TRAK1: variants seen among roughly 807,000 people sequenced by gnomAD.
TRAK1 encodes the protein trafficking kinesin protein 1.
A neutral mutation model predicts 92.1 loss-of-function variants in TRAK1; 33 were observed. The ratio of observed to expected loss-of-function variants is 0.36; its 90% CI spans 0.27 to 0.48. The LOEUF is 0.48. Among genes scored for constraint, TRAK1 ranks in the 20% least tolerant of loss-of-function variants. TRAK1 has a pLI of 0.99. For synonymous variants in TRAK1, 521 were observed against 517.3 expected, an observed-to-expected ratio of 1.01 and a Z score of -0.10; for missense variants, 1,123 against 1,257.9, an observed-to-expected ratio of 0.89 and a Z score of 1.62.
At chr3:42,086,439 G>A (rs1704681806), upstream of TRAK1, among the ~76,000 whole-genome samples, 1 of 151,488 alleles carries the variant, frequency 6.6e-6, no homozygotes, top group African/African-American at 2.4e-5. Context: ...CTGAGTAACT[G>A]GGATTACAGG....
chr3:42,223,817 GT>G lies in TRAK1; in HGVS notation c.*81del. The G allele has an allele frequency of 6.8e-7, 1 of 1,464,056 alleles. No individual in the cohort carries two copies. Among genetic ancestry groups the G allele is most frequent in the Non-Finnish European group, 9.3e-7 (1 of 1,073,056 alleles). The allele number at this position is 1,464,056 out of a possible 1,614,324, so 90.7% of individuals were successfully genotyped here. A position where few individuals can be genotyped will look rare whatever the true frequency, so the allele number is the denominator to read the frequency against. Reference sequence around the variant, plus strand: ...CCCACCTCCCTCTCTTCCCCCCACAGTGCACTCCCTCCCTCTGCCCTTCTCT... The same window carrying G: ...CCCACCTCCCTCTCTTCCCCCCACAGGCACTCCCTCCCTCTGCCCTTCTCT... On this transcript the variant is annotated 3_prime_UTR_variant, in exon 16 of 16. Coordinates refer to ENST00000327628, the MANE Select transcript of TRAK1 (RefSeq NM_001042646.3). This position sits in a 1 kb window ranked among gnomAD's most constrained non-coding sequence, Gnocchi z 6.1.
At chr3:42,147,567 T>C (rs1699470917) in intron 2 of TRAK1, among the ~76,000 whole-genome samples, 2 of 152,236 alleles carry the variant, frequency 1.3e-5, no homozygotes, top group South Asian at 4.1e-4. Context: ...CTTTGTCTGC[T>C]TGTGGTTTGG....
chr3:42,094,207 A>G (rs1195060768), intron 1 of TRAK1, among the ~76,000 whole-genome samples: 1 of 152,178 alleles, frequency 6.6e-6, no homozygotes, highest in Non-Finnish European at 1.5e-5. Flanking sequence ...TTCAGGGTGC[A>G]CCAATGCCAG....
upstream of TRAK1, among the ~76,000 whole-genome samples, chr3:42,083,291 C>A (rs1704520404): frequency 2.0e-5 from 3 of 151,934 alleles, no homozygotes; most frequent in African/African-American, 7.3e-5. Context: ...GCCCATTTTT[C>A]TTTTGGGCTA....
upstream of TRAK1, among the ~76,000 whole-genome samples, chr3:42,089,674 G>GTCC (rs765250539): frequency 1.2e-5 from 1 of 85,942 alleles, no homozygotes; most frequent in Admixed American, 1.3e-4. Flanking sequence ...TGCTTTTTGT[G>GTCC]ACCCCCCCCC....
chr3:42,076,159 A>G (rs910439958), intron 1 of TRAK1, among the ~76,000 whole-genome samples: 4 of 146,834 alleles, frequency 2.7e-5, no homozygotes, highest in Non-Finnish European at 4.5e-5. Context: ...CGCATTTTTA[A>G]ACGTTTTTGT....
At chr3:42,160,349 G>T (rs762456893) in intron 2 of TRAK1, 5 of 1,613,790 alleles carry the variant, frequency 3.1e-6, no homozygotes, top group Admixed American at 1.7e-5. Context: ...TTGGCTTTGG[G>T]GTGACTTCAG....
rs535940981 is a variant in TRAK1, at chr3:42,160,229, T to C, written c.287-16585T>C. 5 of 1,486,876 alleles carry C rather than the reference T, an allele frequency of 3.4e-6. No homozygotes were observed. The East Asian group carries it at 1.2e-4, about 35-fold the overall frequency. The allele number at this position is 1,486,876 out of a possible 1,614,324, so 92.1% of individuals were successfully genotyped here. A position where few individuals can be genotyped will look rare whatever the true frequency, so the allele number is the denominator to read the frequency against. The stretch of plus-strand genomic sequence containing the variant: ...TCCACTTCAGCTGAGCCAGGGCATG[T>C]CTGCGGCCCAGGCCAGGGCGCAGTG... On this transcript the variant is annotated intron_variant, in intron 2 of 15. Coordinates refer to ENST00000327628, the MANE Select transcript of TRAK1 (RefSeq NM_001042646.3).
Position 42,091,657 on chromosome 3 carries a change from C to A in TRAK1, c.91+97C>A, listed in dbSNP as rs4974011. ...AGGAGAAGCTGTCTCTCTCTTGCTC[C>A]GTGCTGCTTGGGAGGTTGTTCATGG... is the stretch of plus-strand genomic sequence containing the variant. On this transcript the variant is annotated intron_variant, in intron 1 of 15. Coordinates refer to ENST00000327628, the MANE Select transcript of TRAK1 (RefSeq NM_001042646.3). 2.2e-3 allele frequency: 2,743 copies of A among 1,223,370 alleles called. 51 individuals are homozygous for A. In the East Asian group the frequency reaches 0.036, roughly 16 times the overall value. 75.8% of individuals were successfully genotyped at this position (1,223,370 alleles called of 1,614,324 possible).
intron 2 of TRAK1, among the ~76,000 whole-genome samples, chr3:42,140,740 A>G (rs1698540858): frequency 6.6e-6 from 1 of 152,240 alleles, no homozygotes; most frequent in South Asian, 2.1e-4. Context: ...GCTGTCTTTC[A>G]TGTGAGTCCT....
At chr3:42,093,613 T>C (rs565761854) in intron 1 of TRAK1, among the ~76,000 whole-genome samples, 2 of 147,636 alleles carry the variant, frequency 1.4e-5, no homozygotes, top group Non-Finnish European at 3.0e-5. Context: ...TCCTGTCCTC[T>C]TTTCTCTCCC....
intron 2 of TRAK1, among the ~76,000 whole-genome samples, chr3:42,140,166 T>A (rs557963874): frequency 6.6e-6 from 1 of 152,250 alleles, no homozygotes; most frequent in South Asian, 2.1e-4. Context: ...TTTGGATATG[T>A]TCTCTAAAAG....
At chr3:42,070,722 C>T (rs1479731155) in intron 1 of TRAK1, among the ~76,000 whole-genome samples, 2 of 152,204 alleles carry the variant, frequency 1.3e-5, no homozygotes, top group African/African-American at 4.8e-5. Context: ...AGTCACCATG[C>T]CCAGCACTGA....
intron 2 of TRAK1, among the ~76,000 whole-genome samples, chr3:42,128,767 CT>C (rs1264151031): frequency 3.3e-5 from 5 of 152,054 alleles, no homozygotes; most frequent in Admixed American, 3.3e-4. Flanking sequence ...GAATAACTGC[CT>C]TTGTTCATCA....
At chr3:42,055,548 G>T (rs1004703067) in intron 1 of TRAK1, among the ~76,000 whole-genome samples, 2 of 152,030 alleles carry the variant, frequency 1.3e-5, no homozygotes, top group African/African-American at 4.8e-5. Flanking sequence ...CTGCAGCCTC[G>T]ACCTCCTGGG....
At chr3:42,032,488 A>AAAAC (rs1220307931) in intron 1 of TRAK1, among the ~76,000 whole-genome samples, 1 of 152,078 alleles carries the variant, frequency 6.6e-6, no homozygotes, top group African/African-American at 2.4e-5. Context: ...CTGAAAAAAA[A>AAAAC]AAAAAAAACC....
At chr3:42,138,985 G>A (rs963719285) in intron 2 of TRAK1, among the ~76,000 whole-genome samples, 11 of 151,304 alleles carry the variant, frequency 7.3e-5, no homozygotes, top group African/African-American at 2.7e-4. Context: ...CGTGTGCGTG[G>A]TGAGGCAGGG....
intron 1 of TRAK1, among the ~76,000 whole-genome samples, chr3:42,029,490 C>T (rs1029858739): frequency 1.3e-5 from 2 of 151,472 alleles, no homozygotes; most frequent in Non-Finnish European, 2.9e-5. Context: ...CATCCTCCCT[C>T]CTTGTCTTCC....
At chr3:42,173,779 A>T (rs1467762440) in intron 2 of TRAK1, among the ~76,000 whole-genome samples, 1 of 152,180 alleles carries the variant, frequency 6.6e-6, no homozygotes, top group Admixed American at 6.5e-5. Context: ...TTATCTGTGG[A>T]GTAGTCATCG....
Sources: allele counts gnomAD v4.1 joint callset (sites outside exome capture counted in the v4.1 genomes callset), GRCh38; gene constraint gnomAD v4.1.1; non-coding constraint Gnocchi (gnomAD v3.1); transcripts MANE v1.5; gene names NCBI Gene and HGNC (gene_info 2026-07-23, HGNC 2026-07-21).